HOMER1: variants seen among roughly 807,000 people sequenced by gnomAD.
The protein encoded by HOMER1 is homer scaffold protein 1.
In HOMER1, 3 loss-of-function variants were observed where a neutral mutation model predicts 48.9. The ratio of observed to expected loss-of-function variants is 0.06; its 90% CI spans 0.03 to 0.16. HOMER1 has a LOEUF of 0.16. Among genes scored for constraint, HOMER1 ranks in the 10% least tolerant of loss-of-function variants. HOMER1 has a pLI of 1.00. For synonymous variants in HOMER1, 134 were observed against 146.4 expected, an observed-to-expected ratio of 0.92 and a Z score of 0.61; for missense variants, 247 against 411.4, an observed-to-expected ratio of 0.60 and a Z score of 3.46.
Position 79,385,529 on chromosome 5 carries a change from C to G in HOMER1, c.877-9332G>C, listed in dbSNP as rs60041076. Among the ~76,000 whole-genome samples the G allele has an allele frequency of 6.4e-3, 977 of 152,098 alleles. 6 individuals carry two copies. The highest frequency in any genetic ancestry group is 0.023 in the African/African-American group (942 of 41,502). On this transcript the variant is annotated intron_variant, in intron 8 of 8. Coordinates refer to ENST00000334082, the MANE Select transcript of HOMER1 (RefSeq NM_004272.5). ...AATATCACTAATCATCAAGGAAATACAAATCAAAACCAAATAAGATATCAT... is the reference window on the plus strand; with the variant it reads ...AATATCACTAATCATCAAGGAAATAGAAATCAAAACCAAATAAGATATCAT...
At chr5:79,408,911 G>A (rs562416492) in intron 5 of HOMER1, among the ~76,000 whole-genome samples, 40 of 149,944 alleles carry the variant, frequency 2.7e-4, no homozygotes, top group Non-Finnish European at 4.6e-4. Flanking sequence ...GGCAAAACCC[G>A]TCTCTACTAA....
intron 1 of HOMER1, among the ~76,000 whole-genome samples, chr5:79,495,259 T>C (rs1752389185): frequency 6.6e-6 from 1 of 152,128 alleles, no homozygotes; most frequent in Non-Finnish European, 1.5e-5. Flanking sequence ...CTCCCTTAAC[T>C]ACCTTAACTT....
At chr5:79,409,550 G>A (rs1227033490) in intron 5 of HOMER1, among the ~76,000 whole-genome samples, 1 of 151,806 alleles carries the variant, frequency 6.6e-6, no homozygotes, top group African/African-American at 2.4e-5. Context: ...ACATAAAAAT[G>A]AAAAACTTCC....
intron 5 of HOMER1, among the ~76,000 whole-genome samples, chr5:79,416,304 G>T (rs1749941935): frequency 6.6e-6 from 1 of 152,170 alleles, no homozygotes; most frequent in Non-Finnish European, 1.5e-5. Context: ...GCAAGTTAAT[G>T]AAGCAATGAG....
intron 1 of HOMER1, among the ~76,000 whole-genome samples, chr5:79,464,593 A>G (rs963896395): frequency 6.6e-6 from 1 of 152,230 alleles, no homozygotes; most frequent in Admixed American, 6.5e-5. Context: ...TATCCTGTAC[A>G]ACTTAATAAT....
At chr5:79,424,327 G>A (rs1750184015) in intron 5 of HOMER1, among the ~76,000 whole-genome samples, 1 of 151,680 alleles carries the variant, frequency 6.6e-6, no homozygotes, top group Non-Finnish European at 1.5e-5. Flanking sequence ...AAATAAAGGG[G>A]GAAACCAGAC....
rs770662641 is a variant in HOMER1, at chr5:79,456,922, C to T, written c.102G>A (p.Val34=). The T allele has an allele frequency of 8.6e-5, 138 of 1,613,788 alleles. 4 individuals carry two copies. In the South Asian group the frequency reaches 1.4e-3, roughly 17 times the overall value. Residue 34 remains valine (V), a synonymous_variant, in exon 2 of 9, where the codon GTG becomes GTA. Transcript: ENST00000334082. ...WVPTSKHAVT[V]SYFYDSTRNV... ...TTCTTGTGCTGTCATAGAAATAAGA[C>T]ACAGTAACTGCATGCTTGCTGGTGG...
At chr5:79,389,100 A>C (rs1749185997) in intron 8 of HOMER1, among the ~76,000 whole-genome samples, 1 of 152,152 alleles carries the variant, frequency 6.6e-6, no homozygotes, top group African/African-American at 2.4e-5. Flanking sequence ...AATGAGTCCA[A>C]AACTTATAAG....
chr5:79,450,911 C>G (rs941067019), intron 3 of HOMER1, 79 bp downstream of exon 3: 3 of 1,338,588 alleles, frequency 2.2e-6, no homozygotes, highest in East Asian at 2.5e-5. Flanking sequence ...ATATTTTATA[C>G]TCTCCATTTG....
chr5:79,379,561 A>G (rs1388281611), intron 8 of HOMER1, among the ~76,000 whole-genome samples: 1 of 145,532 alleles, frequency 6.9e-6, no homozygotes, highest in Non-Finnish European at 1.5e-5. Flanking sequence ...CAATAACTTC[A>G]GCACCTTTTG....
intron 1 of HOMER1, among the ~76,000 whole-genome samples, chr5:79,471,642 C>T (rs1022691699): frequency 1.3e-5 from 2 of 151,756 alleles, no homozygotes; most frequent in African/African-American, 4.8e-5. Context: ...TAGAAATCAG[C>T]TTCCGTGGCC....
At chr5:79,420,910 C>G (rs1193549101) in intron 5 of HOMER1, among the ~76,000 whole-genome samples, 1 of 152,212 alleles carries the variant, frequency 6.6e-6, no homozygotes, top group Non-Finnish European at 1.5e-5. Flanking sequence ...TGCTCATGCT[C>G]AGTCTGGACA....
At chr5:79,502,508 A>G (rs1212875620) in intron 1 of HOMER1, among the ~76,000 whole-genome samples, 1 of 152,214 alleles carries the variant, frequency 6.6e-6, no homozygotes, top group Admixed American at 6.5e-5. Flanking sequence ...CTTACCTCCC[A>G]GAAATAAACA....
At chr5:79,447,760 T>C (rs1252944223) in intron 3 of HOMER1, among the ~76,000 whole-genome samples, 1 of 152,180 alleles carries the variant, frequency 6.6e-6, no homozygotes, top group African/African-American at 2.4e-5. Flanking sequence ...ACAAAAATTA[T>C]TGTACATGAA....
At chr5:79,405,265 G>C (rs1218032946) in intron 5 of HOMER1, among the ~76,000 whole-genome samples, 1 of 152,110 alleles carries the variant, frequency 6.6e-6, no homozygotes, top group Non-Finnish European at 1.5e-5. Context: ...CGAGGAGAGA[G>C]GCCTCGGAAG....
intron 1 of HOMER1, 127 bp downstream of exon 1, chr5:79,512,643 T>C: frequency 1.1e-6 from 1 of 869,830 alleles, no homozygotes; most frequent in African/African-American, 1.7e-5. Context: ...TGCCTATTTC[T>C]TTAAAGTATG....
chr5:79,512,037 T>A (rs567239017), intron 1 of HOMER1, among the ~76,000 whole-genome samples: 4 of 152,306 alleles, frequency 2.6e-5, no homozygotes, highest in Non-Finnish European at 5.9e-5. Context: ...GAAGAGTTAA[T>A]AAAAGACTGG....
At chr5:79,472,023 G>A (rs1580006239) in intron 1 of HOMER1, among the ~76,000 whole-genome samples, 1 of 152,170 alleles carries the variant, frequency 6.6e-6, no homozygotes, top group African/African-American at 2.4e-5. Context: ...TCTCCCCCAT[G>A]GTACTTATCA....
chr5:79,433,612 T>C (rs1421155916), intron 5 of HOMER1, among the ~76,000 whole-genome samples: 1 of 152,292 alleles, frequency 6.6e-6, no homozygotes, highest in East Asian at 1.9e-4. Flanking sequence ...TCCTTTTGTA[T>C]TTTAGTTTGC....
Sources: gnomAD v4.1 joint callset for allele counts (sites outside exome capture counted in the v4.1 genomes callset) on GRCh38, gnomAD v4.1.1 for gene constraint, MANE v1.5 for transcripts, NCBI Gene and HGNC (gene_info 2026-07-23, HGNC 2026-07-21) for gene names.